The following TENM1 variants were observed in gnomAD, a reference collection of about 807,000 sequenced individuals.
TENM1 encodes the protein teneurin-1.
Under a neutral mutation model 174.8 loss-of-function variants are expected in TENM1, and 35 were observed. That is an observed-to-expected ratio of 0.20 (90% confidence interval 0.15 to 0.27). The LOEUF is 0.27. Among genes scored for constraint, TENM1 ranks in the 10% least tolerant of loss-of-function variants. The pLI, the probability that TENM1 is intolerant of heterozygous loss-of-function variation, is 1.00. For missense variants in TENM1, 1,633 were observed against 2,130.1 expected (o/e 0.77, Z 4.59); for synonymous variants, 781 against 798.7 (o/e 0.98, Z 0.37).
At position 124,963,525 on chromosome X, in the gene TENM1, A is replaced by G. The variant is rs2058685980; in HGVS notation, c.217+12T>C. The G allele has an allele frequency of 8.5e-7, 1 of 1,170,146 alleles. No homozygotes were observed. Among genetic ancestry groups the G allele is most frequent in the East Asian group, 3.0e-5 (1 of 33,660 alleles). On this transcript the variant is annotated intron_variant, in intron 1 of 31. Coordinates refer to ENST00000422452, the Ensembl canonical transcript of TENM1. ...AAATAATATTTGTTATAAAGATCCA[A>G]TAAAAACATACCTTGAGTAGATTTT...
At chrX:125,194,107 C>T in the TENM1 span, among the ~76,000 whole-genome samples, 1 of 111,300 alleles carries the variant, frequency 9.0e-6, no homozygotes, top group Non-Finnish European at 1.9e-5. Flanking sequence ...CCATCTGGCA[C>T]AATCCATCTC....
intron 23 of TENM1, among the ~76,000 whole-genome samples, chrX:124,433,776 A>G (rs2060804899): frequency 8.9e-6 from 1 of 112,227 alleles, no homozygotes; most frequent in South Asian, 3.7e-4. Flanking sequence ...CACTGAGGTT[A>G]GTGTAAATTG....
the TENM1 span, among the ~76,000 whole-genome samples, chrX:125,189,193 G>A: frequency 8.9e-6 from 1 of 111,778 alleles, no homozygotes; most frequent in East Asian, 2.8e-4. Flanking sequence ...TTTATGACTA[G>A]AGAAGGCCAG....
chrX:124,682,315 T>C (rs2052254715), intron 5 of TENM1, among the ~76,000 whole-genome samples: 1 of 111,659 alleles, frequency 9.0e-6, no homozygotes, highest in Non-Finnish European at 1.9e-5. Context: ...TAGAGTACAC[T>C]TTTTATAAAG....
chrX:124,417,721 A>G (rs1186981492), intron 25 of TENM1, among the ~76,000 whole-genome samples: 1 of 111,523 alleles, frequency 9.0e-6, no homozygotes, highest in Non-Finnish European at 1.9e-5. Flanking sequence ...ATTTTCACTT[A>G]GATGCCTAAC....
chrX:124,465,712 C>T (rs1230886148), intron 22 of TENM1, among the ~76,000 whole-genome samples: 1 of 110,283 alleles, frequency 9.1e-6, no homozygotes, highest in African/African-American at 3.3e-5. Context: ...TCTCATTTTC[C>T]CCCTTTTTTT....
intron 20 of TENM1, among the ~76,000 whole-genome samples, chrX:124,493,745 T>C (rs2047123010): frequency 9.0e-6 from 1 of 111,621 alleles, no homozygotes; most frequent in African/African-American, 3.3e-5. Context: ...CAAAGAGATA[T>C]GCTGCTGGAA....
intron 7 of TENM1, 148 bp downstream of exon 10, chrX:124,653,436 C>T: frequency 2.2e-6 from 1 of 454,478 alleles, no homozygotes; most frequent in Non-Finnish European, 3.7e-6. Flanking sequence ...TCATTAGTTT[C>T]AGTGTAATTA....
chrX:124,770,961 G>A (rs866844894), intron 3 of TENM1, among the ~76,000 whole-genome samples: 1 of 111,738 alleles, frequency 8.9e-6, no homozygotes. Flanking sequence ...TGATATAAAG[G>A]CTGAACTCCA....
At chrX:124,661,343 T>C (rs1384111769) in intron 6 of TENM1, among the ~76,000 whole-genome samples, 1 of 112,197 alleles carries the variant, frequency 8.9e-6, no homozygotes, top group Non-Finnish European at 1.9e-5. Flanking sequence ...AATAAAGCTG[T>C]CACAAAAATA....
chrX:124,480,502 T>C (rs1261528434), intron 22 of TENM1, among the ~76,000 whole-genome samples: 1 of 112,365 alleles, frequency 8.9e-6, no homozygotes, highest in East Asian at 2.8e-4. Context: ...TGGAAAGATG[T>C]TCATAATACA....
At chrX:124,699,403 C>T (rs2052724981) in intron 5 of TENM1, among the ~76,000 whole-genome samples, 1 of 110,983 alleles carries the variant, frequency 9.0e-6, no homozygotes, top group Non-Finnish European at 1.9e-5. Flanking sequence ...TAAGAAAGTA[C>T]TGTATGAGAA....
chrX:124,901,560 G>C (rs775096734), intron 1 of TENM1, among the ~76,000 whole-genome samples: 66 of 111,012 alleles, frequency 5.9e-4, no homozygotes, highest in African/African-American at 2.1e-3. Context: ...CTGCAGCCTC[G>C]ACCTCCCAGG....
At chrX:124,416,439 G>A (rs894680384) in intron 25 of TENM1, among the ~76,000 whole-genome samples, 1 of 111,780 alleles carries the variant, frequency 8.9e-6, no homozygotes. Context: ...TCTTTTTATG[G>A]CTGAACACTA....
the TENM1 span, among the ~76,000 whole-genome samples, chrX:125,197,774 T>C: frequency 1.8e-5 from 2 of 112,141 alleles, no homozygotes; most frequent in African/African-American, 3.2e-5. Context: ...CTATCATTAA[T>C]AGTTCTACCT....
At chrX:124,688,510 G>T (rs1362201770) in intron 5 of TENM1, 1 of 118,592 alleles carries the variant, frequency 8.4e-6, no homozygotes, top group African/African-American at 3.3e-5. Flanking sequence ...CTCCTTACAG[G>T]GGCCTTGGTT....
the TENM1 span, among the ~76,000 whole-genome samples, chrX:125,149,843 T>C: frequency 3.6e-5 from 4 of 111,892 alleles, no homozygotes; most frequent in African/African-American, 1.3e-4. Context: ...CAGTGTGCAA[T>C]GAAGGAATAC....
At chrX:125,028,659 A>G in the TENM1 span, among the ~76,000 whole-genome samples, 3 of 111,823 alleles carry the variant, frequency 2.7e-5, no homozygotes, top group Non-Finnish European at 5.6e-5. Flanking sequence ...AAACCTGCAC[A>G]TGCACCTTTG....
At chrX:124,762,190 C>G (rs1190610052) in intron 3 of TENM1, among the ~76,000 whole-genome samples, 1 of 111,917 alleles carries the variant, frequency 8.9e-6, no homozygotes, top group African/African-American at 3.3e-5. Context: ...CATGTGGGCC[C>G]TATCTTCATG....
Sources: gnomAD v4.1 joint callset for allele counts (sites outside exome capture counted in the v4.1 genomes callset) on GRCh38, gnomAD v4.1.1 for gene constraint, MANE v1.5 for transcripts, NCBI Gene and HGNC (gene_info 2026-07-23, HGNC 2026-07-21) for gene names.